RFPL1: variants seen among roughly 807,000 people sequenced by gnomAD.
RFPL1 encodes ret finger protein like 1.
A neutral mutation model predicts 9.6 loss-of-function variants in RFPL1; 6 were observed. That is an observed-to-expected ratio of 0.62 (90% CI 0.34 to 1.23). The LOEUF (loss-of-function observed/expected upper bound fraction) is 1.23. Among genes scored for constraint, RFPL1 ranks in the 50% most tolerant of loss-of-function variants. The pLI is 0.03. For missense variants in RFPL1, 352 were observed against 398.4 expected, an observed-to-expected ratio of 0.88 and a Z score of 0.99; for synonymous variants, 145 against 149.4, an observed-to-expected ratio of 0.97 and a Z score of 0.22.
chr22:29,403,128 T>C, the RFPL1 span, among the ~76,000 whole-genome samples: 1 of 152,118 alleles, frequency 6.6e-6, no homozygotes, highest in African/African-American at 2.4e-5. Flanking sequence ...CTTTTTGAAA[T>C]AAGACAGAAG....
At chr22:29,399,692 G>A in the RFPL1 span, among the ~76,000 whole-genome samples, 11 of 152,152 alleles carry the variant, frequency 7.2e-5, no homozygotes, top group Admixed American at 2.0e-4. Context: ...TGAAGCAACC[G>A]TTTTCCTCCT....
At position 29,441,523 on chromosome 22, in the gene RFPL1, CT is replaced by C. The variant is rs776282061; in HGVS notation, c.374-12del. 1.9e-6 allele frequency: 3 copies of C among 1,601,516 alleles called. No homozygotes were observed. Among genetic ancestry groups the C allele is most frequent in the African/African-American group, 1.3e-5 (1 of 74,566 alleles). On this transcript the variant is annotated intron_variant, in intron 1 of 1. Transcript: ENST00000354373. The stretch of plus-strand genomic sequence containing the variant: ...TGGCTTCTGTCCATTTTCTGATCAA[CT>C]TTTTTTCCTTTTCACAGTGGATATG...
the RFPL1 span, among the ~76,000 whole-genome samples, chr22:29,395,833 G>T: frequency 1.3e-5 from 2 of 152,018 alleles, no homozygotes; most frequent in South Asian, 4.1e-4. Context: ...ATTAGCTGGG[G>T]ATGGTGGTGA....
At chr22:29,417,867 G>A in the RFPL1 span, among the ~76,000 whole-genome samples, 1 of 151,846 alleles carries the variant, frequency 6.6e-6, no homozygotes. Flanking sequence ...AGAGGCAAAT[G>A]CTTTGAGTTT....
At chr22:29,390,119 G>A in the RFPL1 span, among the ~76,000 whole-genome samples, 5 of 152,106 alleles carry the variant, frequency 3.3e-5, no homozygotes, top group African/African-American at 9.7e-5. Context: ...CCAAAATATT[G>A]GTAAAAGTTT....
chr22:29,435,322 C>A (rs2062803498), upstream of RFPL1, among the ~76,000 whole-genome samples: 1 of 152,206 alleles, frequency 6.6e-6, no homozygotes, highest in African/African-American at 2.4e-5. Flanking sequence ...ATCTCTTCTG[C>A]AAATCTATCT....
the RFPL1 span, among the ~76,000 whole-genome samples, chr22:29,390,875 G>A: frequency 1.3e-5 from 2 of 151,758 alleles, no homozygotes; most frequent in South Asian, 2.1e-4. Flanking sequence ...TGGGATTACA[G>A]GTGTGAGCCA....
the RFPL1 span, among the ~76,000 whole-genome samples, chr22:29,395,019 T>C: frequency 6.6e-6 from 1 of 152,190 alleles, no homozygotes; most frequent in Non-Finnish European, 1.5e-5. Flanking sequence ...TCTGTGACCC[T>C]CAGCAAGTCC....
the RFPL1 span, among the ~76,000 whole-genome samples, chr22:29,411,884 T>C: frequency 6.6e-6 from 1 of 152,204 alleles, no homozygotes; most frequent in Non-Finnish European, 1.5e-5. Flanking sequence ...ATGTTTAGTA[T>C]TTTGTAATTT....
At chr22:29,422,958 A>G in the RFPL1 span, among the ~76,000 whole-genome samples, 1 of 152,132 alleles carries the variant, frequency 6.6e-6, no homozygotes, top group Non-Finnish European at 1.5e-5. Context: ...TCAATTTCTT[A>G]TATCATCAAC....
chr22:29,422,641 A>AC, the RFPL1 span, among the ~76,000 whole-genome samples: 1 of 151,826 alleles, frequency 6.6e-6, no homozygotes, highest in Non-Finnish European at 1.5e-5. Flanking sequence ...TATTCCAGAA[A>AC]CTGAGGCAGG....
chr22:29,390,975 A>T, the RFPL1 span, among the ~76,000 whole-genome samples: 1 of 151,310 alleles, frequency 6.6e-6, no homozygotes, highest in African/African-American at 2.4e-5. Context: ...CCCCGTCTCT[A>T]CTAAAAAATA....
chr22:29,414,491 T>G, the RFPL1 span, among the ~76,000 whole-genome samples: 1 of 152,332 alleles, frequency 6.6e-6, no homozygotes, highest in African/African-American at 2.4e-5. Flanking sequence ...TGTAAGTACT[T>G]CAAGGCTTGG....
upstream of RFPL1, chr22:29,436,599 C>CAAAAAA (rs200602345): frequency 3.2e-5 from 3 of 92,534 alleles, no homozygotes; most frequent in Non-Finnish European, 2.3e-5. Flanking sequence ...GAATCTGTCT[C>CAAAAAA]AAAAAAAAAA....
At chr22:29,410,609 ATATC>A in the RFPL1 span, among the ~76,000 whole-genome samples, 5 of 118,108 alleles carry the variant, frequency 4.2e-5, no homozygotes, top group Non-Finnish European at 8.3e-5. Context: ...ATATATAGAT[ATATC>A]TATCTATATA....
chr22:29,418,269 G>A, the RFPL1 span, among the ~76,000 whole-genome samples: 1 of 151,990 alleles, frequency 6.6e-6, no homozygotes. Context: ...CTGGGTCACT[G>A]GGCGCTCCCA....
At chr22:29,421,568 C>T in the RFPL1 span, among the ~76,000 whole-genome samples, 2 of 150,540 alleles carry the variant, frequency 1.3e-5, no homozygotes, top group African/African-American at 2.4e-5. Context: ...CAATTAGTTG[C>T]CCAGGCTAGA....
At chr22:29,417,541 A>G in the RFPL1 span, among the ~76,000 whole-genome samples, 8 of 149,062 alleles carry the variant, frequency 5.4e-5, no homozygotes, top group African/African-American at 2.0e-4. Flanking sequence ...CATGGGTGAA[A>G]GTGGCCTGGA....
chr22:29,415,329 G>A, the RFPL1 span, among the ~76,000 whole-genome samples: 2 of 152,140 alleles, frequency 1.3e-5, no homozygotes, highest in East Asian at 1.9e-4. Context: ...AATGGAGTGG[G>A]CAAGTTCCCA....
Sources: gnomAD v4.1 joint callset for allele counts (sites outside exome capture counted in the v4.1 genomes callset) on GRCh38, gnomAD v4.1.1 for gene constraint, MANE v1.5 for transcripts, NCBI Gene and HGNC (gene_info 2026-07-23, HGNC 2026-07-21) for gene names.